PHF20: variants seen among roughly 807,000 people sequenced by gnomAD.
PHF20 encodes glioma-expressed antigen 2.
In PHF20, 23 loss-of-function variants were observed where a neutral mutation model predicts 113.5. The ratio of observed to expected loss-of-function variants is 0.20; its 90% CI spans 0.15 to 0.29. PHF20 has a LOEUF of 0.29. Ranked by LOEUF, PHF20 falls within the 10% of genes least tolerant of loss-of-function variation. The pLI, the probability that PHF20 is intolerant of heterozygous loss-of-function variation, is 1.00. For synonymous variants in PHF20, 434 were observed against 457.3 expected (o/e 0.95, Z 0.65); for missense variants, 943 against 1,219.6 (o/e 0.77, Z 3.38).
At chr20:35,776,631 G>C (rs1370443531) in intron 1 of PHF20, among the ~76,000 whole-genome samples, 1 of 152,066 alleles carries the variant, frequency 6.6e-6, no homozygotes, top group South Asian at 2.1e-4. Flanking sequence ...CCTCTTCCAC[G>C]TGATCCTGTT....
At chr20:35,787,242 T>G (rs971829388) in intron 1 of PHF20, among the ~76,000 whole-genome samples, 3 of 151,894 alleles carry the variant, frequency 2.0e-5, no homozygotes, top group African/African-American at 7.3e-5. Flanking sequence ...TGCAATGATG[T>G]GATCTCGGCT....
rs540603653 is a variant in PHF20, at chr20:35,905,645, A to G, written c.1561+5997A>G. On this transcript the variant is annotated intron_variant, in intron 10 of 17. Coordinates refer to ENST00000374012, the MANE Select transcript of PHF20 (RefSeq NM_016436.5). The stretch of plus-strand genomic sequence containing the variant: ...GAAAGAAATATCTGTTGTTTAAGCC[A>G]CATATAACATAATGTTTTGTTATAA... 4.1e-3 allele frequency among the ~76,000 whole-genome samples: 630 copies of G among 152,366 alleles called. 1 individual carries two copies. The highest frequency in any genetic ancestry group is 6.4e-3 in the Non-Finnish European group (435 of 68,040).
chr20:35,871,661 T>C lies in PHF20; in HGVS notation c.1114T>C (p.Ser372Pro), dbSNP rs1237285050. The change falls in exon 9 of 18, where the codon TCT becomes CCT. Residue 372 changes from serine to proline, a missense_variant. By Grantham distance (74) the Ser-to-Pro change is moderately conservative. Around this residue, in one of 3 missense-constraint regions of PHF20, gnomAD observed 592 missense variants for 787.2 expected, o/e 0.75. Transcript: ENST00000374012. ...TTTTTTTCTTCTAGGTCAGTTGAAG[T>C]CTGCTTTGGAAGCTGGCCAGGTCTC... ...TKESEEGQLK[S>P]ALEAGQVSSA... 6.3e-7 allele frequency: 1 copy of C among 1,595,954 alleles called. No individual in the cohort carries two copies. Among genetic ancestry groups the C allele is most frequent in the Admixed American group, 1.8e-5 (1 of 54,940 alleles).
chr20:35,937,965 G>T (rs2055897613), intron 15 of PHF20, among the ~76,000 whole-genome samples: 1 of 152,006 alleles, frequency 6.6e-6, no homozygotes, highest in South Asian at 2.1e-4. Context: ...TCTGCCTCCT[G>T]GGTTCACGGC....
intron 9 of PHF20, among the ~76,000 whole-genome samples, chr20:35,874,321 A>G (rs17093197): frequency 0.013 from 1,925 of 152,268 alleles, 39 homozygotes; most frequent in African/African-American, 0.044. Context: ...GCTTTACACA[A>G]TTATGTATGT....
chr20:35,827,820 G>A (rs2042290065), intron 2 of PHF20, among the ~76,000 whole-genome samples: 1 of 150,472 alleles, frequency 6.6e-6, no homozygotes, highest in East Asian at 1.9e-4. Context: ...GCTCTTCACC[G>A]GGTTTAGAGT....
rs193265462 is a variant in PHF20, at chr20:35,907,492, G to C, written c.1562-5757G>C. Reference sequence around the variant, plus strand: ...AACAATTGGTAAAGCTGTCCAGAGAGAGAGTTGACAGCAGACCAGCGACCA... The same window carrying C: ...AACAATTGGTAAAGCTGTCCAGAGACAGAGTTGACAGCAGACCAGCGACCA... On this transcript the variant is annotated intron_variant, in intron 10 of 17. Transcript: ENST00000374012. Among the ~76,000 whole-genome samples, 23 of 152,366 alleles carry C rather than the reference G, an allele frequency of 1.5e-4. No homozygotes were observed. In the East Asian group the frequency reaches 4.0e-3, roughly 27 times the overall value.
intron 14 of PHF20, chr20:35,928,450 A>G (rs1180587762): frequency 1.9e-5 from 3 of 155,040 alleles, no homozygotes; most frequent in African/African-American, 7.3e-5. Context: ...AAAAAAAAAA[A>G]AAAAAAAAAA....
intron 1 of PHF20, among the ~76,000 whole-genome samples, chr20:35,779,039 T>C (rs2041231859): frequency 6.6e-6 from 1 of 151,918 alleles, no homozygotes; most frequent in Non-Finnish European, 1.5e-5. Context: ...TTGTTTTGTT[T>C]TTTGTTTTTT....
At chr20:35,786,682 C>A (rs1310303755) in intron 1 of PHF20, among the ~76,000 whole-genome samples, 10 of 152,122 alleles carry the variant, frequency 6.6e-5, no homozygotes, top group African/African-American at 2.2e-4. Flanking sequence ...AGCTTGGCGA[C>A]AGAGCTTGAC....
chr20:35,817,260 C>T (rs2042092095), intron 2 of PHF20, among the ~76,000 whole-genome samples: 1 of 151,014 alleles, frequency 6.6e-6, no homozygotes, highest in Non-Finnish European at 1.5e-5. Flanking sequence ...GATCTCAGCT[C>T]ACTGCAATCT....
intron 3 of PHF20, among the ~76,000 whole-genome samples, chr20:35,845,076 A>G (rs977492960): frequency 6.6e-6 from 1 of 151,820 alleles, no homozygotes; most frequent in Non-Finnish European, 1.5e-5. Flanking sequence ...CCACTGATCT[A>G]TCTATTTTCT....
At chr20:35,877,937 A>T (rs970160552) in intron 9 of PHF20, among the ~76,000 whole-genome samples, 1 of 152,226 alleles carries the variant, frequency 6.6e-6, no homozygotes, top group East Asian at 1.9e-4. Flanking sequence ...AAAAATTAAC[A>T]GATGATTTAC....
chr20:35,793,301 CT>C (rs755495559), intron 1 of PHF20, among the ~76,000 whole-genome samples: 399 of 139,748 alleles, frequency 2.9e-3, no homozygotes, highest in Admixed American at 3.0e-3. Flanking sequence ...CTTTCTTTTT[CT>C]TTTTTTTTTT....
At chr20:35,919,419 A>C (rs187267753) in intron 13 of PHF20, among the ~76,000 whole-genome samples, 6 of 147,038 alleles carry the variant, frequency 4.1e-5, no homozygotes, top group African/African-American at 1.5e-4. Context: ...GGCTCACTGC[A>C]ACCTCTGCCT....
At chr20:35,930,004 GAAAGCTTTTCCCT>G (rs1450735507) in intron 14 of PHF20, among the ~76,000 whole-genome samples, 1 of 152,238 alleles carries the variant, frequency 6.6e-6, no homozygotes, top group Non-Finnish European at 1.5e-5. Context: ...CAGTCTGGTA[GAAAGCTTTTCCCT>G]GGGACTTTGG....
At chr20:35,945,463 A>G (rs534256052) in intron 17 of PHF20, among the ~76,000 whole-genome samples, 1 of 152,316 alleles carries the variant, frequency 6.6e-6, no homozygotes, top group East Asian at 1.9e-4. Flanking sequence ...TTCCCTAAAG[A>G]ATAGCTCACA....
At chr20:35,926,610 C>A (rs1174574475) in intron 13 of PHF20, among the ~76,000 whole-genome samples, 1 of 152,156 alleles carries the variant, frequency 6.6e-6, no homozygotes, top group Non-Finnish European at 1.5e-5. Context: ...TACATATCTT[C>A]TCTGAGCCTT....
chr20:35,869,644 T>G (rs77808860), intron 7 of PHF20, 93 bp downstream of exon 7: 14,758 of 747,618 alleles, frequency 0.02, 187 homozygotes, highest in Middle Eastern at 0.037. Context: ...CCCTATAGGC[T>G]CTAATGTTTG....
Sources: gnomAD v4.1 joint callset for allele counts (sites outside exome capture counted in the v4.1 genomes callset) on GRCh38, gnomAD v4.1.1 for gene constraint, gnomAD v4.1.1 regional missense constraint, MANE v1.5 for transcripts, NCBI Gene and HGNC (gene_info 2026-07-23, HGNC 2026-07-21) for gene names.